The following RPTOR variants were observed in gnomAD, a reference collection of about 807,000 sequenced individuals.
RPTOR encodes regulatory associated protein of MTOR complex 1, also known as regulatory-associated protein of mTOR.
Under a neutral mutation model 169.9 loss-of-function variants are expected in RPTOR, and 21 were observed. The ratio of observed to expected loss-of-function variants is 0.12; its 90% confidence interval spans 0.09 to 0.18. The LOEUF (loss-of-function observed/expected upper bound fraction) is 0.18. RPTOR is among the 10% of genes least tolerant of loss of function. RPTOR has a pLI of 1.00. For missense variants in RPTOR, 1,133 were observed against 1,855.9 expected, an observed-to-expected ratio of 0.61 and a Z score of 7.16; for synonymous variants, 732 against 753.2, an observed-to-expected ratio of 0.97 and a Z score of 0.46.
intron 17 of RPTOR, among the ~76,000 whole-genome samples, chr17:80,890,411 G>A (rs558341614): frequency 6.6e-6 from 1 of 152,340 alleles, no homozygotes; most frequent in African/African-American, 2.4e-5. Context: ...GGCAGCGGGG[G>A]TTCTGTGGTT....
intron 3 of RPTOR, among the ~76,000 whole-genome samples, chr17:80,663,954 A>G (rs1281128909): frequency 6.6e-6 from 1 of 152,070 alleles, no homozygotes; most frequent in Non-Finnish European, 1.5e-5. Context: ...TCAGGCTCCC[A>G]CTGCTCTGCA....
intron 5 of RPTOR, among the ~76,000 whole-genome samples, chr17:80,741,044 A>T (rs1217198116): frequency 1.3e-5 from 2 of 152,220 alleles, no homozygotes; most frequent in Non-Finnish European, 2.9e-5. Context: ...AGTGTTGACG[A>T]GGATGTGGAG....
At chr17:80,584,683 C>A (rs970291062) in intron 1 of RPTOR, among the ~76,000 whole-genome samples, 1 of 152,226 alleles carries the variant, frequency 6.6e-6, no homozygotes, top group Non-Finnish European at 1.5e-5. Context: ...GACTGGCCCA[C>A]CGCAGAATTC....
chr17:80,778,900 C>T (rs567215784), intron 6 of RPTOR, among the ~76,000 whole-genome samples: 1 of 152,322 alleles, frequency 6.6e-6, no homozygotes, highest in South Asian at 2.1e-4. Context: ...CGGTGTCTGG[C>T]CGCGGCGCCT....
chr17:80,793,766 G>A (rs1567914484), intron 7 of RPTOR, among the ~76,000 whole-genome samples: 1 of 152,218 alleles, frequency 6.6e-6, no homozygotes, highest in African/African-American at 2.4e-5. Flanking sequence ...AGAGCAAAAA[G>A]GTCTGTTAAA....
chr17:80,948,817 T>A (rs1434869645), intron 27 of RPTOR, among the ~76,000 whole-genome samples: 1 of 152,100 alleles, frequency 6.6e-6, no homozygotes, highest in African/African-American at 2.4e-5. Context: ...CAGGCCGACC[T>A]CCCTGCCTGT....
chr17:80,867,322 G>A (rs780473800), intron 13 of RPTOR, among the ~76,000 whole-genome samples: 2 of 151,528 alleles, frequency 1.3e-5, no homozygotes, highest in Non-Finnish European at 2.9e-5. Context: ...AAGAGATGCA[G>A]GCAAAGTATT....
chr17:80,816,405 A>G (rs768486545), intron 7 of RPTOR, among the ~76,000 whole-genome samples: 5 of 151,998 alleles, frequency 3.3e-5, no homozygotes, highest in African/African-American at 1.2e-4. Flanking sequence ...ATCCACAGGG[A>G]CTCTTGGAGT....
intron 2 of RPTOR, among the ~76,000 whole-genome samples, chr17:80,641,093 GT>G (rs927171284): frequency 1.8e-4 from 28 of 152,114 alleles, no homozygotes; most frequent in African/African-American, 6.5e-4. Flanking sequence ...CCTATTTTTT[GT>G]TTTTCAGATC....
intron 3 of RPTOR, 111 bp downstream of exon 3, chr17:80,643,921 G>A: frequency 1.2e-6 from 1 of 816,454 alleles, no homozygotes; most frequent in East Asian, 2.7e-5. Flanking sequence ...CCCTGCCCTT[G>A]TGTGGCATGG....
chr17:80,557,783 G>A (rs1003337565), intron 1 of RPTOR, among the ~76,000 whole-genome samples: 5 of 150,874 alleles, frequency 3.3e-5, no homozygotes, highest in African/African-American at 9.7e-5. Flanking sequence ...AAAATCAGCC[G>A]GGCATGGTGG....
chr17:80,767,974 C>T (rs1364705892), intron 6 of RPTOR, among the ~76,000 whole-genome samples: 1 of 152,188 alleles, frequency 6.6e-6, no homozygotes, highest in Non-Finnish European at 1.5e-5. Flanking sequence ...AGTGATTCTC[C>T]TGCCTCAGCC....
Position 80,823,375 on chromosome 17 carries a change from C to A in RPTOR, c.1136+152C>A. 2 of 941,578 alleles carry A rather than the reference C, an allele frequency of 2.1e-6. No individual in the cohort carries two copies. Among genetic ancestry groups the A allele is most frequent in the African/African-American group, 3.3e-5 (2 of 60,700 alleles). 58.3% of individuals were successfully genotyped at this position (941,578 alleles called of 1,614,324 possible). A position where few individuals can be genotyped will look rare whatever the true frequency, so the allele number is the denominator to read the frequency against. On this transcript the variant is annotated intron_variant, in intron 9 of 33. Coordinates refer to ENST00000306801, the MANE Select transcript of RPTOR (RefSeq NM_020761.3). The surrounding 1 kb of genome is among the most constrained non-coding windows in gnomAD (Gnocchi z 4.5). ...CAAGTGAAGCTAAATGCAGGGCTCC[C>A]AGAGATCTCCACACAGAGGAGTGGG...
intron 3 of RPTOR, among the ~76,000 whole-genome samples, chr17:80,687,819 T>C (rs35059200): frequency 0.18 from 26,722 of 152,162 alleles, 3,751 homozygotes; most frequent in African/African-American, 0.39. Flanking sequence ...TGAAATGCAG[T>C]GAGGCCGACA....
At chr17:80,757,354 G>A (rs548336448) in intron 6 of RPTOR, among the ~76,000 whole-genome samples, 1 of 152,268 alleles carries the variant, frequency 6.6e-6, no homozygotes, top group East Asian at 1.9e-4. Flanking sequence ...CTTCCCTGAC[G>A]CCACGTTGTT....
chr17:80,893,301 G>A (rs369174761), intron 19 of RPTOR, among the ~76,000 whole-genome samples: 309 of 148,120 alleles, frequency 2.1e-3, no homozygotes, highest in African/African-American at 7.4e-3. Context: ...TGCGCCGGGT[G>A]TGTGTGTGCG....
At chr17:80,738,470 C>T (rs1448905125) in intron 5 of RPTOR, among the ~76,000 whole-genome samples, 2 of 152,188 alleles carry the variant, frequency 1.3e-5, no homozygotes, top group Admixed American at 1.3e-4. Flanking sequence ...AAAGTGATTT[C>T]TCTGCATAAA....
chr17:80,827,379 T>G (rs2067456129), intron 9 of RPTOR, among the ~76,000 whole-genome samples: 1 of 152,158 alleles, frequency 6.6e-6, no homozygotes, highest in Admixed American at 6.5e-5. Flanking sequence ...TCAGCCAGGT[T>G]CTCTGTGCAG....
At chr17:80,924,616 G>A (rs1323505540) in intron 23 of RPTOR, among the ~76,000 whole-genome samples, 1 of 151,810 alleles carries the variant, frequency 6.6e-6, no homozygotes, top group Non-Finnish European at 1.5e-5. Context: ...TCCTGGCCAG[G>A]CCCTGGGGAG....
Sources: allele counts gnomAD v4.1 joint callset (sites outside exome capture counted in the v4.1 genomes callset), GRCh38; gene constraint gnomAD v4.1.1; non-coding constraint Gnocchi (gnomAD v3.1); transcripts MANE v1.5; gene names NCBI Gene and HGNC (gene_info 2026-07-23, HGNC 2026-07-21).